DMD: variants seen among roughly 807,000 people sequenced by gnomAD.
DMD encodes the protein mutant dystrophin.
A neutral mutation model predicts 330.1 loss-of-function variants in DMD; 63 were observed. The observed-to-expected ratio is 0.19, with a 90% CI of 0.16 to 0.24. The LOEUF (loss-of-function observed/expected upper bound fraction) is 0.24. Among genes scored for constraint, DMD ranks in the 10% least tolerant of loss-of-function variants. The pLI, the probability that DMD is intolerant of heterozygous loss-of-function variation, is 1.00. For synonymous variants in DMD, 1,223 were observed against 959.8 expected (o/e 1.27, Z -5.07); for missense variants, 3,344 against 2,684.1 (o/e 1.25, Z -5.43).
intron 7 of DMD, among the ~76,000 whole-genome samples, chrX:32,764,607 A>G (rs1178540746): frequency 2.7e-5 from 3 of 111,900 alleles, no homozygotes; most frequent in African/African-American, 9.7e-5. Context: ...CATCCATGCT[A>G]TAATGTGTGT....
At chrX:31,266,767 G>A in intron 62 of DMD, 1 of 1,149,219 alleles carries the variant, frequency 8.7e-7, no homozygotes, top group Non-Finnish European at 1.2e-6. Context: ...ACAAGTGCAC[G>A]GATTGCGGCC....
At chrX:32,483,820 C>CAAAAAAAAAAAAA (rs770119472) in intron 21 of DMD, among the ~76,000 whole-genome samples, 5 of 37,241 alleles carry the variant, frequency 1.3e-4, no homozygotes, top group East Asian at 1.0e-3. Flanking sequence ...CTCTGAAGTA[C>CAAAAAAAAAAAAA]AAAAAAAAAA....
At chrX:32,368,354 G>A (rs187818448) in intron 34 of DMD, among the ~76,000 whole-genome samples, 10 of 111,158 alleles carry the variant, frequency 9.0e-5, no homozygotes, top group Admixed American at 1.9e-4. Flanking sequence ...ATGAGCCATG[G>A]CTGGAATAAG....
At chrX:33,041,659 G>C (rs780014809) in intron 1 of DMD, 279 of 1,207,583 alleles carry the variant, frequency 2.3e-4, no homozygotes, top group Non-Finnish European at 2.9e-4. Context: ...AAAAGACTTG[G>C]AAGAAGCTGA....
chrX:32,293,147 G>A (rs2097480792), intron 42 of DMD, among the ~76,000 whole-genome samples: 1 of 112,493 alleles, frequency 8.9e-6, no homozygotes, highest in Admixed American at 9.4e-5. Context: ...ACAAAAGAAA[G>A]AACAAGCCAA....
chrX:31,242,262 CAAAAAAAAAAAAAAAAAAA>C (rs72176984), intron 63 of DMD, among the ~76,000 whole-genome samples: 2 of 24,643 alleles, frequency 8.1e-5, no homozygotes, highest in Admixed American at 7.9e-4. Context: ...TCTCAAAAAG[CAAAAAAAAAAAAAAAAAAA>C]AAAAAAAAAA....
At chrX:31,794,728 T>C (rs951433691) in intron 50 of DMD, among the ~76,000 whole-genome samples, 1 of 110,226 alleles carries the variant, frequency 9.1e-6, no homozygotes, top group African/African-American at 3.3e-5. Flanking sequence ...CTTTTTTTTT[T>C]TTTTAAGTTG....
intron 55 of DMD, among the ~76,000 whole-genome samples, chrX:31,601,421 C>T (rs1029594332): frequency 3.6e-5 from 4 of 112,145 alleles, no homozygotes; most frequent in African/African-American, 9.7e-5. Flanking sequence ...TTCCATTATC[C>T]GCCAGTCTGT....
intron 44 of DMD, among the ~76,000 whole-genome samples, chrX:32,176,516 G>A (rs1239434910): frequency 8.9e-6 from 1 of 112,099 alleles, no homozygotes; most frequent in Non-Finnish European, 1.9e-5. Flanking sequence ...ACCACTTGAG[G>A]AACATTAGGT....
At chrX:31,494,651 A>T (rs2069653854) in intron 57 of DMD, among the ~76,000 whole-genome samples, 1 of 112,041 alleles carries the variant, frequency 8.9e-6, no homozygotes. Flanking sequence ...TGCGTTAAGT[A>T]CAGACATTTT....
At chrX:32,716,267 A>T (rs931398001) in intron 7 of DMD, among the ~76,000 whole-genome samples, 1 of 110,961 alleles carries the variant, frequency 9.0e-6, no homozygotes, top group Admixed American at 9.6e-5. Flanking sequence ...TGATAGGATC[A>T]TGAGGGTGAA....
chrX:31,871,717 T>TA (rs1388313407), intron 48 of DMD, among the ~76,000 whole-genome samples: 2 of 109,355 alleles, frequency 1.8e-5, no homozygotes, highest in African/African-American at 6.6e-5. Context: ...TTTTTTTTTT[T>TA]ACCTTGTGTT....
At chrX:32,028,145 G>A (rs759858612) in intron 44 of DMD, among the ~76,000 whole-genome samples, 1 of 111,705 alleles carries the variant, frequency 9.0e-6, no homozygotes, top group East Asian at 2.9e-4. Flanking sequence ...AAATTCAAGA[G>A]AGTTTATTGT....
intron 7 of DMD, among the ~76,000 whole-genome samples, chrX:32,731,227 G>A (rs1387108056): frequency 8.9e-6 from 1 of 112,309 alleles, no homozygotes; most frequent in Non-Finnish European, 1.9e-5. Flanking sequence ...GGCACACCAG[G>A]AGATTATATC....
intron 52 of DMD, among the ~76,000 whole-genome samples, chrX:31,723,647 C>G (rs1354599535): frequency 9.3e-6 from 1 of 107,809 alleles, no homozygotes; most frequent in Non-Finnish European, 1.9e-5. Context: ...CACACACACA[C>G]ACACACACAC....
At chrX:33,128,113 A>G (rs768221997) in intron 1 of DMD, 47 of 1,201,735 alleles carry the variant, frequency 3.9e-5, no homozygotes, top group Non-Finnish European at 5.1e-5. Flanking sequence ...ATTCTTCTGA[A>G]TGGCTGTTGC....
chrX:31,500,294 A>C, intron 56 of DMD, among the ~76,000 whole-genome samples: 1 of 112,427 alleles, frequency 8.9e-6, no homozygotes, highest in Non-Finnish European at 1.9e-5. Context: ...CAGACTTTCT[A>C]TAATTCTATC....
chrX:32,343,555 A>G (rs1309549859), intron 39 of DMD, among the ~76,000 whole-genome samples: 1 of 111,860 alleles, frequency 8.9e-6, no homozygotes, highest in Non-Finnish European at 1.9e-5. Flanking sequence ...GTCACATTCA[A>G]TTGACTCTTA....
In DMD at chrX:33,020,034, C is replaced by A. The variant is rs1188260219; in HGVS notation, c.93+105G>T. ...GATTTGCACAGCTAAAATAAAATGA[C>A]ACTATGAGAGAAATAAAACGGATTT... On this transcript the variant is annotated intron_variant, in intron 2 of 78. Transcript: ENST00000357033. 2.3e-5 allele frequency: 13 copies of A among 569,773 alleles called. No homozygotes were observed. In the East Asian group the frequency reaches 4.9e-4, roughly 21 times the overall value. The allele number at this position is 569,773 out of a possible 1,213,427, so 47.0% of individuals were successfully genotyped here. A position where few individuals can be genotyped will look rare whatever the true frequency, so the allele number is the denominator to read the frequency against.
Sources: allele counts gnomAD v4.1 joint callset (sites outside exome capture counted in the v4.1 genomes callset), GRCh38; gene constraint gnomAD v4.1.1; transcripts MANE v1.5; gene names NCBI Gene and HGNC (gene_info 2026-07-23, HGNC 2026-07-21).